The following OSBPL10 variants were observed in gnomAD, a reference collection of about 807,000 sequenced individuals.
OSBPL10 encodes oxysterol-binding protein-related protein 10.
In OSBPL10, 49 loss-of-function variants were observed where a neutral mutation model predicts 81.7. The observed-to-expected ratio is 0.60, with a 90% CI of 0.48 to 0.76. The LOEUF is 0.76. Ranked by LOEUF, OSBPL10 falls within the 30% of genes least tolerant of loss-of-function variation. The pLI, the probability that OSBPL10 is intolerant of heterozygous loss-of-function variation, is 0.00. For missense variants in OSBPL10, 923 were observed against 987.8 expected (o/e 0.93, Z 0.88); for synonymous variants, 419 against 383.6 (o/e 1.09, Z -1.08).
intron 2 of OSBPL10, chr3:32,037,763 A>G (rs1164364463): frequency 6.4e-6 from 1 of 155,534 alleles, no homozygotes; most frequent in African/African-American, 2.4e-5. Flanking sequence ...CTGAGGGGGG[A>G]AATCTGACAC....
chr3:31,963,727 C>T (rs1254803004), intron 1 of OSBPL10, among the ~76,000 whole-genome samples: 2 of 152,166 alleles, frequency 1.3e-5, no homozygotes, highest in Admixed American at 1.3e-4. Context: ...CTGATTTCTC[C>T]AAGATATGAC....
chr3:31,863,567 AG>A (rs1372393467), intron 3 of OSBPL10, among the ~76,000 whole-genome samples: 2 of 152,202 alleles, frequency 1.3e-5, no homozygotes, highest in East Asian at 3.8e-4. Flanking sequence ...CCTGCCTTAC[AG>A]GGTTGTTGTG....
chr3:31,839,560 C>A (rs1444942990), intron 3 of OSBPL10, among the ~76,000 whole-genome samples: 1 of 151,460 alleles, frequency 6.6e-6, no homozygotes, highest in African/African-American at 2.4e-5. Context: ...AGGTAGGTGG[C>A]CAGAGAACGC....
intron 3 of OSBPL10, among the ~76,000 whole-genome samples, chr3:31,859,645 C>A (rs187520268): frequency 6.6e-6 from 1 of 152,280 alleles, no homozygotes; most frequent in Non-Finnish European, 1.5e-5. Flanking sequence ...AGGTCCTCAC[C>A]AGATGCTGGT....
At chr3:31,984,681 G>T (rs938351486), upstream of OSBPL10, among the ~76,000 whole-genome samples, 5 of 152,176 alleles carry the variant, frequency 3.3e-5, no homozygotes, top group Non-Finnish European at 1.5e-5. Context: ...TCTTAGCAAA[G>T]TTCAGACCTC....
Position 31,977,944 on chromosome 3 carries a change from T to C in OSBPL10, c.281+2955A>G, listed in dbSNP as rs138060344. Among the ~76,000 whole-genome samples, 177 of 152,374 alleles carry C rather than the reference T, an allele frequency of 1.2e-3. 1 individual carries two copies. Among genetic ancestry groups the C allele is most frequent in the African/African-American group, 4.1e-3 (172 of 41,600 alleles). On this transcript the variant is annotated intron_variant, in intron 1 of 11. Coordinates refer to ENST00000396556, the MANE Select transcript of OSBPL10 (RefSeq NM_017784.5). The stretch of plus-strand genomic sequence containing the variant: ...TCCTGAGTTGAGCACGTTCCCATCA[T>C]ACAGTGTTCTTCTCTGTGACCTCTC...
chr3:31,958,741 A>G (rs1215877398), intron 1 of OSBPL10, among the ~76,000 whole-genome samples: 1 of 150,122 alleles, frequency 6.7e-6, no homozygotes, highest in East Asian at 1.9e-4. Context: ...AAAAGCCTCT[A>G]AACTAGAGAA....
chr3:31,800,533 A>G (rs536874983), intron 4 of OSBPL10, among the ~76,000 whole-genome samples: 85 of 152,306 alleles, frequency 5.6e-4, no homozygotes, highest in African/African-American at 2.0e-3. Context: ...AAGGCTAAAC[A>G]CTCAACCTAA....
At chr3:32,075,736 A>C (rs1210148367) in intron 1 of OSBPL10, among the ~76,000 whole-genome samples, 1 of 152,048 alleles carries the variant, frequency 6.6e-6, no homozygotes, top group Non-Finnish European at 1.5e-5. Flanking sequence ...CCTCACCACT[A>C]TTTTGTTTTG....
intron 8 of OSBPL10, among the ~76,000 whole-genome samples, chr3:31,673,758 T>C (rs1700383931): frequency 6.6e-6 from 1 of 152,178 alleles, no homozygotes; most frequent in Non-Finnish European, 1.5e-5. Context: ...TCTAGTGATA[T>C]ATGGGATGAC....
At chr3:31,706,742 G>GA (rs1315767384) in intron 6 of OSBPL10, among the ~76,000 whole-genome samples, 1 of 152,172 alleles carries the variant, frequency 6.6e-6, no homozygotes, top group Admixed American at 6.5e-5. Context: ...AAGCATGACT[G>GA]AAATGCCAAT....
rs114051839 is a variant in OSBPL10 at position 31,684,888 on chromosome 3, A to G, written c.1246-774T>C. ...CTGCTAAAGGACTGGCAGAGTGGCT[A>G]CCCCTAGGTTTGTTATTGGCACCAT... On this transcript the variant is annotated intron_variant, in intron 7 of 11. Transcript: ENST00000396556. Among the ~76,000 whole-genome samples, 1,298 of 151,150 alleles carry G rather than the reference A, an allele frequency of 8.6e-3. 21 individuals carry two copies. The highest frequency in any genetic ancestry group is 0.03 in the African/African-American group (1,231 of 41,508).
At chr3:32,014,061 T>C (rs1157213828) in intron 2 of OSBPL10, among the ~76,000 whole-genome samples, 2 of 152,036 alleles carry the variant, frequency 1.3e-5, no homozygotes, top group Non-Finnish European at 2.9e-5. Flanking sequence ...TTCCAATCAA[T>C]AGAAAAAGAG....
At chr3:32,048,174 T>C (rs1699639586) in intron 1 of OSBPL10, among the ~76,000 whole-genome samples, 1 of 152,072 alleles carries the variant, frequency 6.6e-6, no homozygotes, top group Admixed American at 6.6e-5. Context: ...GCAGTTCCTA[T>C]TAATTTTGCT....
rs1477275494 is a variant in OSBPL10 at position 32,061,600 on chromosome 3, A to G, written n.186-14997T>C. 4.3e-5 allele frequency among the ~76,000 whole-genome samples: 4 copies of G among 92,558 alleles called. 2 individuals are homozygous for G. The highest frequency in any genetic ancestry group is 1.2e-4 in the Non-Finnish European group (4 of 34,598). The allele number at this position is 92,558 out of a possible 152,430, so 60.7% of individuals were successfully genotyped here. ...TATTTTATTTTTTATTTTTTTGAGAAAAAAGAAGAGAAGAGGAAGAGAAGC... is the reference window on the plus strand; with the variant it reads ...TATTTTATTTTTTATTTTTTTGAGAGAAAAGAAGAGAAGAGGAAGAGAAGC... On this transcript the variant is annotated intron_variant and non_coding_transcript_variant, in intron 1 of 3. Transcript: ENST00000479173.
intron 10 of OSBPL10, among the ~76,000 whole-genome samples, chr3:31,666,981 T>C (rs554592125): frequency 1.3e-5 from 2 of 152,286 alleles, no homozygotes; most frequent in Admixed American, 6.5e-5. Flanking sequence ...GGTAGCACCT[T>C]CTCTCTTACT....
chr3:31,971,816 C>T (rs151255761), intron 1 of OSBPL10, among the ~76,000 whole-genome samples: 302 of 152,232 alleles, frequency 2.0e-3, no homozygotes, highest in African/African-American at 6.7e-3. Context: ...AAGGAGCACT[C>T]GGTAGTTGCC....
At chr3:32,031,450 G>T (rs370115224) in intron 2 of OSBPL10, among the ~76,000 whole-genome samples, 18 of 151,200 alleles carry the variant, frequency 1.2e-4, no homozygotes, top group South Asian at 4.2e-4. Context: ...AACCTGAAAG[G>T]CTTCTTAAAT....
At chr3:31,964,418 T>C (rs994973187) in intron 1 of OSBPL10, among the ~76,000 whole-genome samples, 3 of 152,114 alleles carry the variant, frequency 2.0e-5, no homozygotes, top group Admixed American at 2.0e-4. Flanking sequence ...CGGCCTCCCA[T>C]AGTGATGGGA....
Sources: gnomAD v4.1 joint callset for allele counts (sites outside exome capture counted in the v4.1 genomes callset) on GRCh38, gnomAD v4.1.1 for gene constraint, MANE v1.5 for transcripts, NCBI Gene and HGNC (gene_info 2026-07-23, HGNC 2026-07-21) for gene names.